The following PLA2G10 variants were observed in gnomAD, a reference collection of about 807,000 sequenced individuals.
The protein encoded by PLA2G10 is group 10 secretory phospholipase A2.
A neutral mutation model predicts 7.9 loss-of-function variants in PLA2G10; 9 were observed. That is an observed-to-expected ratio of 1.14 (90% CI 0.68 to 1.98). PLA2G10 has a LOEUF of 1.98. Ranked by LOEUF, PLA2G10 falls within the 30% of genes most tolerant of loss-of-function variation. PLA2G10 has a pLI of 0.00. For synonymous variants in PLA2G10, 19 were observed against 27.5 expected, an observed-to-expected ratio of 0.69 and a Z score of 0.97; for missense variants, 53 against 65.4, an observed-to-expected ratio of 0.81 and a Z score of 0.66.
At chr16:14,686,581 A>C (rs1171712901) in intron 3 of PLA2G10, among the ~76,000 whole-genome samples, 1 of 152,156 alleles carries the variant, frequency 6.6e-6, no homozygotes. Flanking sequence ...GCTCACTGCA[A>C]CCTGTGCCTC....
intron 3 of PLA2G10, among the ~76,000 whole-genome samples, chr16:14,684,735 T>G (rs1961003935): frequency 6.6e-6 from 1 of 152,104 alleles, no homozygotes; most frequent in Non-Finnish European, 1.5e-5. Flanking sequence ...GCCAAGAGGA[T>G]AGTTTGAGCC....
rs1179697331 is a variant in PLA2G10, at chr16:14,673,317, C to T, written c.356-568G>A. On this transcript the variant is annotated intron_variant, in intron 3 of 3. Coordinates refer to ENST00000438167, the MANE Select transcript of PLA2G10 (RefSeq NM_003561.3). Reference sequence around the variant, plus strand: ...GGATTACAGGCGTGAGCCACCATGCCTGGCCTGATATTACACGACTTCATT... The same window carrying T: ...GGATTACAGGCGTGAGCCACCATGCTTGGCCTGATATTACACGACTTCATT... 3.3e-5 allele frequency among the ~76,000 whole-genome samples: 5 copies of T among 151,814 alleles called. No homozygotes were observed. In the East Asian group the frequency reaches 9.7e-4, roughly 30 times the overall value.
chr16:14,681,707 A>AT (rs1451793162), intron 3 of PLA2G10, among the ~76,000 whole-genome samples: 1 of 151,942 alleles, frequency 6.6e-6, no homozygotes, highest in East Asian at 1.9e-4. Flanking sequence ...TCCAAACAGA[A>AT]TAAGATAATA....
At chr16:14,684,433 A>G (rs1049496258) in intron 3 of PLA2G10, among the ~76,000 whole-genome samples, 7 of 151,806 alleles carry the variant, frequency 4.6e-5, no homozygotes, top group African/African-American at 9.7e-5. Context: ...TTGGAGGCCA[A>G]TGTGGGTGGA....
At chr16:14,686,078 A>G (rs1961051688) in intron 3 of PLA2G10, among the ~76,000 whole-genome samples, 1 of 140,432 alleles carries the variant, frequency 7.1e-6, no homozygotes, top group Admixed American at 8.0e-5. Flanking sequence ...CTACAGCCTC[A>G]GCCTCCCTGG....
At position 14,672,716 on chromosome 16, in the gene PLA2G10, C is replaced by T. The variant is rs773616537; in HGVS notation, c.389G>A (p.Cys130Tyr). Residue 130 changes from cysteine (C) to tyrosine (Y), a missense_variant, in exon 4 of 4, where the codon TGC becomes TAC. By Grantham distance (194) the Cys-to-Tyr change is radical. Coordinates refer to ENST00000438167, the MANE Select transcript of PLA2G10 (RefSeq NM_003561.3). ...PAENKCQELL[C>Y]KCDQEIANCL... ...GTTAGCAATCTCCTGGTCACACTTG[C>T]ACAACAGTTCTTGGCATTTGTTCTC... 1 of 1,614,018 alleles carries T rather than the reference C, an allele frequency of 6.2e-7. No individual in the cohort carries two copies. Among genetic ancestry groups the T allele is most frequent in the Admixed American group, 1.7e-5 (1 of 59,994 alleles).
At chr16:14,675,094 C>T (rs1332204159) in intron 3 of PLA2G10, among the ~76,000 whole-genome samples, 1 of 151,696 alleles carries the variant, frequency 6.6e-6, no homozygotes, top group African/African-American at 2.4e-5. Flanking sequence ...TCGCTTGAAC[C>T]CGGGAGGAGG....
At position 14,685,383 on chromosome 16, in the gene PLA2G10, A is replaced by G. The variant is rs182783009; in HGVS notation, c.355+2782T>C. Reference sequence around the variant, plus strand: ...GAGATTTCGTGTCAAAAAAAAAAAAAAAAGAAAGAAAATGAGCAAATCTCA... The same window carrying G: ...GAGATTTCGTGTCAAAAAAAAAAAAGAAAGAAAGAAAATGAGCAAATCTCA... On this transcript the variant is annotated intron_variant, in intron 3 of 3. Coordinates refer to ENST00000438167, the MANE Select transcript of PLA2G10 (RefSeq NM_003561.3). Among the ~76,000 whole-genome samples the G allele has an allele frequency of 2.2e-4, 33 of 152,084 alleles. No homozygotes were observed. The East Asian group carries it at 3.1e-3, about 14-fold the overall frequency.
chr16:14,673,027 T>C (rs986083706), intron 3 of PLA2G10, among the ~76,000 whole-genome samples: 1 of 149,162 alleles, frequency 6.7e-6, no homozygotes, highest in African/African-American at 2.5e-5. Context: ...TTTTTTTTTT[T>C]TTTTTTTTCT....
intron 3 of PLA2G10, chr16:14,678,662 C>G (rs1056511847): frequency 1.1e-5 from 4 of 368,548 alleles, no homozygotes; most frequent in Non-Finnish European, 2.2e-5. Flanking sequence ...TCCAGCTACT[C>G]AGGAGGCTGA....
chr16:14,685,303 C>T (rs1009612420), intron 3 of PLA2G10, among the ~76,000 whole-genome samples: 27 of 149,220 alleles, frequency 1.8e-4, no homozygotes, highest in Non-Finnish European at 1.0e-4. Flanking sequence ...ACCCGGGAGG[C>T]GGAGGTTGCA....
At chr16:14,687,114 A>C (rs1017177785) in intron 3 of PLA2G10, among the ~76,000 whole-genome samples, 1 of 151,926 alleles carries the variant, frequency 6.6e-6, no homozygotes, top group Non-Finnish European at 1.5e-5. Flanking sequence ...GTCTCAAAAA[A>C]AAACAAAAAA....
chr16:14,680,771 T>C (rs1404726349), intron 3 of PLA2G10, among the ~76,000 whole-genome samples: 1 of 152,084 alleles, frequency 6.6e-6, no homozygotes, highest in Non-Finnish European at 1.5e-5. Context: ...CTTCCCTGTC[T>C]CCTCCTTTTT....
At chr16:14,680,651 C>T (rs904810770) in intron 3 of PLA2G10, among the ~76,000 whole-genome samples, 1 of 152,112 alleles carries the variant, frequency 6.6e-6, no homozygotes, top group South Asian at 2.1e-4. Context: ...TGGGAGCCAT[C>T]GTACTCAGCC....
intron 3 of PLA2G10, among the ~76,000 whole-genome samples, chr16:14,680,992 T>A (rs1960874273): frequency 6.6e-6 from 1 of 151,584 alleles, no homozygotes; most frequent in Non-Finnish European, 1.5e-5. Context: ...TGAAACCCCG[T>A]CTCTACTAAA....
At chr16:14,687,990 C>T (rs1466611789) in intron 3 of PLA2G10, among the ~76,000 whole-genome samples, 175 bp downstream of exon 3, 1 of 140,696 alleles carries the variant, frequency 7.1e-6, no homozygotes, top group African/African-American at 2.5e-5. Flanking sequence ...CAGAGCGAGA[C>T]TCTGACTCAA....
chr16:14,683,666 T>C (rs1960960253), intron 3 of PLA2G10, among the ~76,000 whole-genome samples: 1 of 152,082 alleles, frequency 6.6e-6, no homozygotes, highest in African/African-American at 2.4e-5. Context: ...TAGACAAAAA[T>C]TAACTCAAAA....
chr16:14,685,462 A>G (rs1961028357), intron 3 of PLA2G10, among the ~76,000 whole-genome samples: 1 of 152,054 alleles, frequency 6.6e-6, no homozygotes, highest in South Asian at 2.1e-4. Flanking sequence ...TTCTATTTAT[A>G]TGAAATATCT....
At chr16:14,674,555 G>A (rs950040908) in intron 3 of PLA2G10, among the ~76,000 whole-genome samples, 2 of 152,000 alleles carry the variant, frequency 1.3e-5, no homozygotes, top group African/African-American at 4.8e-5. Flanking sequence ...ACAAAAATTA[G>A]CCAGGCATGA....
Sources: allele counts gnomAD v4.1 joint callset (sites outside exome capture counted in the v4.1 genomes callset), GRCh38; gene constraint gnomAD v4.1.1; transcripts MANE v1.5; gene names NCBI Gene and HGNC (gene_info 2026-07-23, HGNC 2026-07-21).